LIN7A: variants seen among roughly 807,000 people sequenced by gnomAD.
LIN7A encodes the protein lin-7 cell polarity scaffold A, also known as protein lin-7 homolog A.
LIN7A carries 25 observed loss-of-function variants against 29.8 expected under a neutral mutation model. The ratio of observed to expected loss-of-function variants is 0.84; its 90% confidence interval spans 0.61 to 1.17. The LOEUF (loss-of-function observed/expected upper bound fraction) is 1.17, where lower values mean the gene tolerates loss of function less well. LIN7A is among the 50% of genes most tolerant of loss of function. The pLI is 0.00. For synonymous variants in LIN7A, 118 were observed against 107.5 expected, an observed-to-expected ratio of 1.10 and a Z score of -0.60; for missense variants, 239 against 287.0, an observed-to-expected ratio of 0.83 and a Z score of 1.21.
At chr12:80,911,222 T>C (rs1876729134) in intron 1 of LIN7A, among the ~76,000 whole-genome samples, 1 of 151,810 alleles carries the variant, frequency 6.6e-6, no homozygotes, top group African/African-American at 2.4e-5. Context: ...GTCAGAAAAA[T>C]TTCAAATGTG....
At chr12:80,889,864 T>C (rs1875535095) in intron 1 of LIN7A, among the ~76,000 whole-genome samples, 1 of 152,176 alleles carries the variant, frequency 6.6e-6, no homozygotes, top group African/African-American at 2.4e-5. Flanking sequence ...GTTACCATTG[T>C]ATCCTCAGGG....
At chr12:80,906,288 T>C (rs555478155) in intron 1 of LIN7A, among the ~76,000 whole-genome samples, 7 of 152,282 alleles carry the variant, frequency 4.6e-5, no homozygotes, top group African/African-American at 1.7e-4. Flanking sequence ...TTTTCCTATC[T>C]CAGCTCTCAC....
At chr12:80,875,861 A>T (rs938977555) in intron 2 of LIN7A, among the ~76,000 whole-genome samples, 15 of 152,114 alleles carry the variant, frequency 9.9e-5, no homozygotes, top group African/African-American at 3.4e-4. Flanking sequence ...TTAATAAGAT[A>T]GATAGAGATC....
rs1317243280 is a variant in LIN7A at position 80,795,826 on chromosome 12, A to T, written c.*1901T>A. Reference sequence around the variant, plus strand: ...ACTGAATAATACATCGTCTCCATTCATTCCCTTTTATCATGCTTGTCCTTT... The same window carrying T: ...ACTGAATAATACATCGTCTCCATTCTTTCCCTTTTATCATGCTTGTCCTTT... On this transcript the variant is annotated 3_prime_UTR_variant, in exon 6 of 6. Coordinates refer to ENST00000552864, the MANE Select transcript of LIN7A (RefSeq NM_004664.4). The T allele has an allele frequency of 1.3e-5, 2 of 152,140 alleles. No individual in the cohort carries two copies. Among genetic ancestry groups the T allele is most frequent in the Admixed American group, 1.3e-4 (2 of 15,252 alleles). 9.4% of individuals were successfully genotyped at this position (152,140 alleles called of 1,614,324 possible).
intron 1 of LIN7A, among the ~76,000 whole-genome samples, chr12:80,923,996 C>T (rs76927392): frequency 0.012 from 1,879 of 152,264 alleles, 34 homozygotes; most frequent in African/African-American, 0.039. Context: ...ATGAAAAGTG[C>T]TAAGCACTAT....
chr12:80,880,751 G>A (rs952296441), intron 2 of LIN7A, among the ~76,000 whole-genome samples: 8 of 136,256 alleles, frequency 5.9e-5, no homozygotes, highest in South Asian at 2.3e-4. Flanking sequence ...AGGAGGCAAC[G>A]CACACACACA....
At chr12:80,811,441 T>A in intron 5 of LIN7A, 24 bp downstream of exon 5, 1 of 805,018 alleles carries the variant, frequency 1.2e-6, no homozygotes, top group South Asian at 1.4e-5. Flanking sequence ...ATATACTCCT[T>A]GTATAGAATA....
At chr12:80,809,817 G>T (rs1030898569) in intron 5 of LIN7A, among the ~76,000 whole-genome samples, 1 of 152,038 alleles carries the variant, frequency 6.6e-6, no homozygotes, top group Non-Finnish European at 1.5e-5. Flanking sequence ...TTTAGAAAAA[G>T]GCAGGAGAAT....
chr12:80,902,895 A>G lies in LIN7A; in HGVS notation c.83-13526T>C, dbSNP rs1318381275. 3.3e-5 allele frequency among the ~76,000 whole-genome samples: 5 copies of G among 151,872 alleles called. No individual in the cohort carries two copies. The East Asian group carries it at 7.8e-4, about 24-fold the overall frequency. The stretch of plus-strand genomic sequence containing the variant: ...TGCTCTGGCTGGGACATCCAGTACT[A>G]TGTTGAGTAGGAGCAGTAAGAGTGG... On this transcript the variant is annotated intron_variant, in intron 1 of 5. Transcript: ENST00000552864.
At chr12:80,834,171 T>C (rs1872509802) in intron 4 of LIN7A, among the ~76,000 whole-genome samples, 1 of 152,200 alleles carries the variant, frequency 6.6e-6, no homozygotes, top group Non-Finnish European at 1.5e-5. Context: ...ACATATATAG[T>C]GATTAGTTCA....
intron 1 of LIN7A, among the ~76,000 whole-genome samples, chr12:80,900,270 G>T (rs78633128): frequency 0.055 from 8,319 of 152,110 alleles, 255 homozygotes; most frequent in Admixed American, 0.096. Flanking sequence ...CTTCAGCTCA[G>T]CTCTGATTTT....
Position 80,806,844 on chromosome 12 carries a change from A to G in LIN7A, c.*4621T>C, listed in dbSNP as rs78010996. Reference sequence around the variant, plus strand: ...AAAATCCATGAATGACATGACTTGGATGTATTTTATTTGTACCTGAAATGG... The same window carrying G: ...AAAATCCATGAATGACATGACTTGGGTGTATTTTATTTGTACCTGAAATGG... On this transcript the variant is annotated intron_variant, in intron 5 of 5. Coordinates refer to ENST00000552864, the MANE Select transcript of LIN7A (RefSeq NM_004664.4). 6.0e-3 allele frequency among the ~76,000 whole-genome samples: 909 copies of G among 152,278 alleles called. 9 individuals carry two copies. Among genetic ancestry groups the G allele is most frequent in the African/African-American group, 0.02 (837 of 41,558 alleles).
rs560273883 is a variant in LIN7A, at chr12:80,792,972, C to T, written c.*4755G>A. Reference sequence around the variant, plus strand: ...TGTGATTTGTTTACCATGAATAATACTTTGTTAATATCTTTTGTATATTAC... The same window carrying T: ...TGTGATTTGTTTACCATGAATAATATTTTGTTAATATCTTTTGTATATTAC... On this transcript the variant is annotated 3_prime_UTR_variant, in exon 6 of 6. Transcript: ENST00000552864. 12 of 152,260 alleles carry T rather than the reference C, an allele frequency of 7.9e-5. No individual in the cohort carries two copies. The highest frequency in any genetic ancestry group is 1.3e-4 in the Non-Finnish European group (9 of 68,010). The allele number at this position is 152,260 out of a possible 1,614,324, so 9.4% of individuals were successfully genotyped here. A position where few individuals can be genotyped will look rare whatever the true frequency, so the allele number is the denominator to read the frequency against.
At chr12:80,920,980 A>T (rs1039197297) in intron 1 of LIN7A, among the ~76,000 whole-genome samples, 5 of 152,218 alleles carry the variant, frequency 3.3e-5, no homozygotes, top group African/African-American at 1.2e-4. Flanking sequence ...GGCCAAGATC[A>T]TGTAATGATT....
intron 2 of LIN7A, chr12:80,861,318 GT>G (rs1174856652): frequency 6.5e-5 from 10 of 153,028 alleles, no homozygotes; most frequent in African/African-American, 2.4e-4. Context: ...TGCTCCTGCA[GT>G]GGCCCTCTTG....
chr12:80,798,889 C>T (rs1870585941), intron 5 of LIN7A, among the ~76,000 whole-genome samples: 1 of 151,876 alleles, frequency 6.6e-6, no homozygotes, highest in Admixed American at 6.6e-5. Context: ...TGTGCCACCA[C>T]CTCCAGCTAA....
intron 1 of LIN7A, among the ~76,000 whole-genome samples, chr12:80,914,166 A>G (rs556229810): frequency 6.6e-6 from 1 of 152,300 alleles, no homozygotes; most frequent in South Asian, 2.1e-4. Flanking sequence ...ATCAGATCAT[A>G]CAGATTACTA....
intron 4 of LIN7A, among the ~76,000 whole-genome samples, chr12:80,819,447 G>A (rs1276918258): frequency 6.6e-6 from 1 of 152,156 alleles, no homozygotes; most frequent in Non-Finnish European, 1.5e-5. Context: ...TCTATCACAA[G>A]TGCACTATAA....
At chr12:80,802,517 A>G (rs1423167481) in intron 5 of LIN7A, among the ~76,000 whole-genome samples, 1 of 152,134 alleles carries the variant, frequency 6.6e-6, no homozygotes, top group Non-Finnish European at 1.5e-5. Context: ...GGTGGTTCTA[A>G]TTTTAGTTTT....
Sources: allele counts gnomAD v4.1 joint callset (sites outside exome capture counted in the v4.1 genomes callset), GRCh38; gene constraint gnomAD v4.1.1; transcripts MANE v1.5; gene names NCBI Gene and HGNC (gene_info 2026-07-23, HGNC 2026-07-21).